COL14A1: variants seen among roughly 807,000 people sequenced by gnomAD.
COL14A1 encodes the protein collagen alpha-1(XIV) chain.
In COL14A1, 136 loss-of-function variants were observed where a neutral mutation model predicts 230.3. The ratio of observed to expected loss-of-function variants is 0.59; its 90% CI spans 0.51 to 0.68. The LOEUF (loss-of-function observed/expected upper bound fraction) is 0.68, where lower values mean the gene tolerates loss of function less well. Ranked by LOEUF, COL14A1 falls within the 30% of genes least tolerant of loss-of-function variation. The pLI is 0.00. For synonymous variants in COL14A1, 792 were observed against 784.1 expected (o/e 1.01, Z -0.17); for missense variants, 1,976 against 2,215.8 (o/e 0.89, Z 2.17).
chr8:120,355,520 C>A (rs919142902), intron 45 of COL14A1, among the ~76,000 whole-genome samples: 4 of 151,718 alleles, frequency 2.6e-5, no homozygotes, highest in African/African-American at 7.3e-5. Context: ...TCAAGCAATT[C>A]TCCTGCCTCA....
At chr8:120,337,051 G>A (rs1329374432) in intron 42 of COL14A1, among the ~76,000 whole-genome samples, 1 of 152,140 alleles carries the variant, frequency 6.6e-6, no homozygotes, top group Non-Finnish European at 1.5e-5. Context: ...CTAGACCCCA[G>A]CTCAGTGTCT....
At chr8:120,239,839 T>TTTG (rs60050704) in intron 19 of COL14A1, among the ~76,000 whole-genome samples, 2,723 of 91,204 alleles carry the variant, frequency 0.03, 67 homozygotes, top group African/African-American at 0.13. Flanking sequence ...TTTGTTTTTT[T>TTTG]TTTGTTTGTT....
At chr8:120,263,388 G>A (rs1290052647) in intron 24 of COL14A1, among the ~76,000 whole-genome samples, 2 of 152,160 alleles carry the variant, frequency 1.3e-5, no homozygotes. Flanking sequence ...TATTACCACA[G>A]CCATGAGGAT....
intron 45 of COL14A1, among the ~76,000 whole-genome samples, chr8:120,357,422 G>A (rs1823026936): frequency 6.6e-6 from 1 of 152,110 alleles, no homozygotes; most frequent in African/African-American, 2.4e-5. Flanking sequence ...ACTGATCCAA[G>A]AGAGAGAGCA....
Position 120,207,022 on chromosome 8 carries a change from G to T in COL14A1, c.1119G>T (p.Trp373Cys). 6.2e-7 allele frequency: 1 copy of T among 1,613,886 alleles called. No individual in the cohort carries two copies. The highest frequency in any genetic ancestry group is 8.5e-7 in the Non-Finnish European group (1 of 1,179,928). ...EVTARSFMVN[W>C]THAPGNVEKY... The stretch of plus-strand genomic sequence containing the variant: ...CTGCCAGAAGCTTTATGGTTAACTG[G>T]ACTCATGCCCCAGGAAATGTGGAAA... The change falls in exon 10 of 48, where the codon TGG becomes TGT. Residue 373 changes from tryptophan (W) to cysteine (C), a missense_variant. Trp to Cys is a radical substitution (Grantham distance 215). Coordinates refer to ENST00000297848, the MANE Select transcript of COL14A1 (RefSeq NM_021110.4).
chr8:120,199,798 A>G (rs961751488), intron 8 of COL14A1, among the ~76,000 whole-genome samples: 1 of 152,082 alleles, frequency 6.6e-6, no homozygotes, highest in Non-Finnish European at 1.5e-5. Flanking sequence ...GTGAGGTGTC[A>G]TATATAAAAT....
At chr8:120,322,923 T>A (rs572999308) in intron 40 of COL14A1, among the ~76,000 whole-genome samples, 57 of 152,334 alleles carry the variant, frequency 3.7e-4, no homozygotes, top group African/African-American at 1.3e-3. Flanking sequence ...TGCCCAGTAA[T>A]GGGATTGTGA....
At chr8:120,305,510 C>T (rs998127220) in intron 36 of COL14A1, among the ~76,000 whole-genome samples, 1 of 152,036 alleles carries the variant, frequency 6.6e-6, no homozygotes, top group African/African-American at 2.4e-5. Flanking sequence ...TTATTTGCGA[C>T]ATTTCATTGT....
intron 33 of COL14A1, among the ~76,000 whole-genome samples, chr8:120,288,661 C>T (rs1820282437): frequency 1.3e-5 from 2 of 152,064 alleles, no homozygotes; most frequent in South Asian, 2.1e-4. Flanking sequence ...CGTTATTTGC[C>T]TATTAATTTC....
intron 45 of COL14A1, among the ~76,000 whole-genome samples, chr8:120,365,866 G>A (rs1823391693): frequency 6.6e-6 from 1 of 152,174 alleles, no homozygotes; most frequent in Non-Finnish European, 1.5e-5. Flanking sequence ...CTAGCAATGA[G>A]TAGACCAACC....
rs1304089227 is a variant in COL14A1 at position 120,367,207 on chromosome 8, G to A, written c.5114G>A (p.Gly1705Asp). The A allele has an allele frequency of 6.2e-7, 1 of 1,613,600 alleles. No individual in the cohort carries two copies. The highest frequency in any genetic ancestry group is 8.5e-7 in the Non-Finnish European group (1 of 1,179,814). ...ATCAAAGGAGAAAAAGGAAATCCAG[G>A]CGTTGGAACCCAAGGTCCAAGAGGC... ...TGIKGEKGNP[G>D]VGTQGPRGPP... The change falls in exon 46 of 48, where the codon GGC (glycine) becomes GAC (aspartate). Residue 1705 changes from glycine to aspartate, a missense_variant. Gly to Asp is a moderately conservative substitution (Grantham distance 94, BLOSUM62 -1). Around this residue, in one of 3 missense-constraint regions of COL14A1, gnomAD observed 1,791 missense variants for 2,019.5 expected, o/e 0.89. Transcript: ENST00000297848.
intron 5 of COL14A1, among the ~76,000 whole-genome samples, chr8:120,195,859 A>G (rs1480059432): frequency 6.6e-6 from 1 of 152,042 alleles, no homozygotes; most frequent in Non-Finnish European, 1.5e-5. Flanking sequence ...ACACAACCAA[A>G]CCATATCGAC....
Position 120,216,500 on chromosome 8 carries a change from G to A in COL14A1, c.1737+10G>A, listed in dbSNP as rs746046316. On this transcript the variant is annotated intron_variant, in intron 14 of 47. Coordinates refer to ENST00000297848, the MANE Select transcript of COL14A1 (RefSeq NM_021110.4). ...GACTGAAATCAATGAGGTAAGTTCCGGGACATAATGTATATTTTTTAGGTA... is the reference window on the plus strand; with the variant it reads ...GACTGAAATCAATGAGGTAAGTTCCAGGACATAATGTATATTTTTTAGGTA... 1.0e-5 allele frequency: 16 copies of A among 1,601,250 alleles called. No individual in the cohort carries two copies. Among genetic ancestry groups the A allele is most frequent in the Middle Eastern group, 1.7e-4 (1 of 6,030 alleles).
At chr8:120,345,044 C>A (rs1431559539) in intron 44 of COL14A1, among the ~76,000 whole-genome samples, 2 of 152,062 alleles carry the variant, frequency 1.3e-5, no homozygotes, top group Non-Finnish European at 2.9e-5. Context: ...AGAGAAATGG[C>A]AGCTGGGTGA....
At chr8:120,268,038 G>A (rs1819548478) in intron 25 of COL14A1, among the ~76,000 whole-genome samples, 1 of 151,846 alleles carries the variant, frequency 6.6e-6, no homozygotes, top group East Asian at 1.9e-4. Context: ...AAATGCTGCA[G>A]AGAGTAGAAG....
At chr8:120,341,786 A>T (rs1822306421) in intron 43 of COL14A1, among the ~76,000 whole-genome samples, 1 of 152,214 alleles carries the variant, frequency 6.6e-6, no homozygotes, top group South Asian at 2.1e-4. Context: ...CACACCCAGG[A>T]AGACAATGGC....
intron 34 of COL14A1, among the ~76,000 whole-genome samples, chr8:120,291,962 C>T (rs552362713): frequency 6.6e-6 from 1 of 152,078 alleles, no homozygotes; most frequent in Non-Finnish European, 1.5e-5. Context: ...AGAGTAAGTT[C>T]TCAAGAAACA....
At position 120,147,255 on chromosome 8, in the gene COL14A1, T is replaced by C. The variant is rs28674741; in HGVS notation, c.-37-551T>C. Among the ~76,000 whole-genome samples, 416 of 152,208 alleles carry C rather than the reference T, an allele frequency of 2.7e-3. 3 individuals carry two copies. The highest frequency in any genetic ancestry group is 9.7e-3 in the African/African-American group (404 of 41,552). ...TTTGGAAGAGTTTTAGATTCACTTATATTAGGAAAAAGAAGAACTATGAGA... is the reference window on the plus strand; with the variant it reads ...TTTGGAAGAGTTTTAGATTCACTTACATTAGGAAAAAGAAGAACTATGAGA... On this transcript the variant is annotated intron_variant, in intron 1 of 47. Coordinates refer to ENST00000297848, the MANE Select transcript of COL14A1 (RefSeq NM_021110.4).
chr8:120,136,208 T>G (rs959147125), intron 1 of COL14A1, among the ~76,000 whole-genome samples: 3 of 152,146 alleles, frequency 2.0e-5, no homozygotes, highest in Non-Finnish European at 4.4e-5. Context: ...GCATTCAATA[T>G]TTTACCATTC....
Sources: allele counts gnomAD v4.1 joint callset (sites outside exome capture counted in the v4.1 genomes callset), GRCh38; gene constraint gnomAD v4.1.1; regional missense constraint gnomAD v4.1.1; transcripts MANE v1.5; gene names NCBI Gene and HGNC (gene_info 2026-07-23, HGNC 2026-07-21).